ME3: variants seen among roughly 807,000 people sequenced by gnomAD.
ME3 encodes malic enzyme 3.
Under a neutral mutation model 68.9 loss-of-function variants are expected in ME3, and 48 were observed. That is an observed-to-expected ratio of 0.70 (90% CI 0.55 to 0.89). The LOEUF (loss-of-function observed/expected upper bound fraction) is 0.89, where lower values mean the gene tolerates loss of function less well. Among genes scored for constraint, ME3 ranks in the 40% least tolerant of loss-of-function variants. ME3 has a pLI of 0.00. For missense variants in ME3, 675 were observed against 797.4 expected (o/e 0.85, Z 1.85); for synonymous variants, 320 against 318.8 (o/e 1.00, Z -0.04).
At chr11:86,435,730 A>G in the ME3 span, 1 of 152,292 alleles carries the variant, frequency 6.6e-6, no homozygotes. Context: ...AGGATAGGGC[A>G]TAAGAAGTTG....
intron 2 of ME3, among the ~76,000 whole-genome samples, chr11:86,603,310 A>G (rs1376281641): frequency 1.3e-5 from 2 of 152,170 alleles, no homozygotes; most frequent in Non-Finnish European, 2.9e-5. Flanking sequence ...ACACTTCTCA[A>G]AAGAAGACAT....
chr11:86,603,477 A>T (rs1338852682), intron 2 of ME3, among the ~76,000 whole-genome samples: 3 of 152,352 alleles, frequency 2.0e-5, no homozygotes, highest in Middle Eastern at 3.4e-3. Context: ...GTGGAGAAAT[A>T]GGAACACTTT....
exon 6 of ME3, chr11:86,497,966 A>G: frequency 6.3e-7 from 1 of 1,599,696 alleles, no homozygotes; most frequent in East Asian, 2.3e-5. Flanking sequence ...GGGTTACCTC[A>G]TTGTTGGTGC....
At chr11:86,449,594 CAGAG>C (rs935346879) in intron 10 of ME3, among the ~76,000 whole-genome samples, 20 of 152,306 alleles carry the variant, frequency 1.3e-4, no homozygotes, top group African/African-American at 4.1e-4. Context: ...ATGTGGAAGA[CAGAG>C]AGCAGGCTGC....
intron 2 of ME3, among the ~76,000 whole-genome samples, chr11:86,611,531 T>C (rs560894265): frequency 1.7e-4 from 25 of 149,688 alleles, no homozygotes; most frequent in Admixed American, 3.3e-4. Flanking sequence ...GTATATATAT[T>C]ATATATATCA....
At chr11:86,558,167 T>G (rs1271002297) in intron 3 of ME3, among the ~76,000 whole-genome samples, 1 of 152,178 alleles carries the variant, frequency 6.6e-6, no homozygotes, top group African/African-American at 2.4e-5. Context: ...GAGAGAAGGA[T>G]TTTTGAATTT....
chr11:86,480,286 C>G (rs902257278), intron 7 of ME3, among the ~76,000 whole-genome samples: 8 of 152,220 alleles, frequency 5.3e-5, no homozygotes, highest in African/African-American at 1.9e-4. Context: ...AAATAAAGCT[C>G]ACTTCCCAGA....
At chr11:86,659,128 G>A (rs541908983) in intron 2 of ME3, among the ~76,000 whole-genome samples, 4 of 152,296 alleles carry the variant, frequency 2.6e-5, no homozygotes, top group Admixed American at 2.0e-4. Flanking sequence ...AAGGAGGGTG[G>A]CAACTGGGAA....
At chr11:86,526,464 G>T (rs144228008) in intron 4 of ME3, among the ~76,000 whole-genome samples, 4,756 of 152,272 alleles carry the variant, frequency 0.031, 100 homozygotes, top group South Asian at 0.098. Context: ...CAAACAAAAG[G>T]CAGCAGAAAC....
intron 6 of ME3, among the ~76,000 whole-genome samples, chr11:86,492,711 C>T (rs1594166509): frequency 6.6e-6 from 1 of 152,202 alleles, no homozygotes; most frequent in Admixed American, 6.5e-5. Context: ...TGAATGTGCT[C>T]TCTATGGCTG....
chr11:86,478,615 C>G (rs1415225435), intron 7 of ME3, among the ~76,000 whole-genome samples: 1 of 152,148 alleles, frequency 6.6e-6, no homozygotes, highest in African/African-American at 2.4e-5. Flanking sequence ...CCCTATTGCT[C>G]ACTACATCAA....
chr11:86,445,948 T>C (rs1184589599), intron 13 of ME3, among the ~76,000 whole-genome samples: 2 of 151,650 alleles, frequency 1.3e-5, no homozygotes, highest in Admixed American at 6.6e-5. Flanking sequence ...GCTGGAAGAA[T>C]CCATCACCTA....
chr11:86,541,337 C>A (rs1035057522), intron 4 of ME3, among the ~76,000 whole-genome samples: 2 of 152,136 alleles, frequency 1.3e-5, no homozygotes, highest in Non-Finnish European at 2.9e-5. Context: ...GCCAGGGAGC[C>A]AAGTGGTCTA....
At chr11:86,584,165 T>C (rs978027253) in intron 2 of ME3, among the ~76,000 whole-genome samples, 9 of 152,128 alleles carry the variant, frequency 5.9e-5, no homozygotes, top group Non-Finnish European at 7.4e-5. Context: ...AGGACCTGAA[T>C]AGACATGTTC....
chr11:86,623,067 ACAG>A (rs1357861887), intron 2 of ME3, among the ~76,000 whole-genome samples: 1 of 152,246 alleles, frequency 6.6e-6, no homozygotes, highest in Non-Finnish European at 1.5e-5. Flanking sequence ...GAATACCGAG[ACAG>A]CAGGTAAAAC....
intron 4 of ME3, among the ~76,000 whole-genome samples, chr11:86,548,285 C>G (rs945517756): frequency 1.3e-5 from 2 of 152,228 alleles, no homozygotes; most frequent in African/African-American, 4.8e-5. Flanking sequence ...TGTTCCTTCT[C>G]TCCTCTACCT....
At chr11:86,537,301 C>G in intron 4 of ME3, among the ~76,000 whole-genome samples, 1 of 150,856 alleles carries the variant, frequency 6.6e-6, no homozygotes, top group South Asian at 2.1e-4. Flanking sequence ...AAAAACAGTT[C>G]GAAGTGCTAC....
At chr11:86,476,753 G>A (rs544609380) in intron 7 of ME3, among the ~76,000 whole-genome samples, 1 of 152,312 alleles carries the variant, frequency 6.6e-6, no homozygotes, top group South Asian at 2.1e-4. Context: ...TGGGGATGAA[G>A]ACCAAGCATT....
At chr11:86,500,186 C>T (rs943057074) in intron 5 of ME3, among the ~76,000 whole-genome samples, 8 of 152,234 alleles carry the variant, frequency 5.3e-5, no homozygotes, top group Non-Finnish European at 1.2e-4. Context: ...ATCATCTCTC[C>T]TAATTAGAGC....
Sources: gnomAD v4.1 joint callset for allele counts (sites outside exome capture counted in the v4.1 genomes callset) on GRCh38, gnomAD v4.1.1 for gene constraint, MANE v1.5 for transcripts, NCBI Gene and HGNC (gene_info 2026-07-23, HGNC 2026-07-21) for gene names.